The following FRMPD4 variants were observed in gnomAD, a reference collection of about 807,000 sequenced individuals.
The protein encoded by FRMPD4 is FERM and PDZ domain-containing protein 4.
Under a neutral mutation model 94.1 loss-of-function variants are expected in FRMPD4, and 22 were observed. The observed-to-expected ratio is 0.23, with a 90% CI of 0.17 to 0.33. FRMPD4 has a LOEUF of 0.33. Among genes scored for constraint, FRMPD4 ranks in the 10% least tolerant of loss-of-function variants. The pLI is 1.00. For synonymous variants in FRMPD4, 631 were observed against 548.6 expected, an observed-to-expected ratio of 1.15 and a Z score of -2.10; for missense variants, 1,111 against 1,339.9, an observed-to-expected ratio of 0.83 and a Z score of 2.67.
intron 1 of FRMPD4, among the ~76,000 whole-genome samples, chrX:11,838,926 T>C (rs955499238): frequency 8.9e-6 from 1 of 111,828 alleles, no homozygotes; most frequent in East Asian, 2.8e-4. Flanking sequence ...CTATTATAAA[T>C]AATGCTGCCA....
intron 3 of FRMPD4, among the ~76,000 whole-genome samples, chrX:11,907,479 T>C (rs1489216795): frequency 8.9e-6 from 1 of 111,974 alleles, no homozygotes; most frequent in Non-Finnish European, 1.9e-5. Context: ...AGTTCTGGAG[T>C]CTGGAAGTCC....
intron 1 of FRMPD4, among the ~76,000 whole-genome samples, chrX:12,211,512 T>A (rs2056755163): frequency 8.9e-6 from 1 of 112,247 alleles, no homozygotes; most frequent in Admixed American, 9.4e-5. Context: ...TCATGTGTTT[T>A]GAAGTTCAGT....
chrX:12,316,677 T>C (rs1374937281), intron 1 of FRMPD4, among the ~76,000 whole-genome samples: 1 of 111,315 alleles, frequency 9.0e-6, no homozygotes, highest in East Asian at 2.8e-4. Context: ...ATCACAAGGG[T>C]ATCCAGGTAA....
At chrX:12,359,468 TTTTC>T (rs1259764069) in intron 1 of FRMPD4, among the ~76,000 whole-genome samples, 1 of 84,556 alleles carries the variant, frequency 1.2e-5, no homozygotes, top group Admixed American at 1.1e-4. Flanking sequence ...TTGTTTTCTT[TTTTC>T]TTTTTTTTTT....
chrX:11,927,134 CATTCACAATTGCCACAAAAAAAAAAA>C (rs2054093740), intron 3 of FRMPD4, among the ~76,000 whole-genome samples: 1 of 108,786 alleles, frequency 9.2e-6, no homozygotes, highest in Non-Finnish European at 1.9e-5. Context: ...AACATAGTTC[CATTCACAATTGCCACAAAAAAAAAAA>C]AGTATAATAT....
At chrX:12,230,977 T>A (rs1225611194) in intron 1 of FRMPD4, among the ~76,000 whole-genome samples, 1 of 48,601 alleles carries the variant, frequency 2.1e-5, no homozygotes, top group African/African-American at 7.6e-5. Flanking sequence ...TATATAGTAA[T>A]ATATATAGTA....
intron 1 of FRMPD4, among the ~76,000 whole-genome samples, chrX:11,840,924 G>A (rs2053532145): frequency 1.2e-5 from 1 of 86,930 alleles, no homozygotes; most frequent in African/African-American, 4.6e-5. Context: ...TCCCCAGAGT[G>A]TGATGTTCCA....
At chrX:12,372,929 T>C (rs2056182929) in intron 1 of FRMPD4, among the ~76,000 whole-genome samples, 1 of 111,785 alleles carries the variant, frequency 8.9e-6, no homozygotes, top group Non-Finnish European at 1.9e-5. Context: ...GACTGGGTCC[T>C]CAGGACAAGC....
intron 3 of FRMPD4, among the ~76,000 whole-genome samples, chrX:12,017,020 A>G (rs2054608086): frequency 8.9e-6 from 1 of 111,790 alleles, no homozygotes; most frequent in Admixed American, 9.5e-5. Flanking sequence ...TACTGCTACT[A>G]TTTATATCCT....
chrX:11,904,670 C>T lies in FRMPD4; in HGVS notation c.95+26652C>T, dbSNP rs761171632. Among the ~76,000 whole-genome samples, 6 of 112,002 alleles carry T rather than the reference C, an allele frequency of 5.4e-5. No homozygotes were observed. In the South Asian group the frequency reaches 2.3e-3, roughly 42 times the overall value. On this transcript the variant is annotated intron_variant, in intron 3 of 18. Transcript: ENST00000640291. Reference sequence around the variant, plus strand: ...CTCCAAGACTCATGTGAGATTAATACTCATCAGCCACCTTTTAAGAATATC... The same window carrying T: ...CTCCAAGACTCATGTGAGATTAATATTCATCAGCCACCTTTTAAGAATATC...
intron 1 of FRMPD4, among the ~76,000 whole-genome samples, chrX:12,171,257 G>T (rs1211604356): frequency 8.9e-6 from 1 of 112,346 alleles, no homozygotes; most frequent in Non-Finnish European, 1.9e-5. Flanking sequence ...GCTTTGAAAT[G>T]CATCAGGCAA....
At chrX:12,094,636 G>C (rs1000670733) in intron 3 of FRMPD4, among the ~76,000 whole-genome samples, 1 of 112,087 alleles carries the variant, frequency 8.9e-6, no homozygotes, top group Non-Finnish European at 1.9e-5. Flanking sequence ...GACTGCCTGC[G>C]TTTGAACTTT....
At chrX:12,483,854 A>T (rs1020329560) in intron 1 of FRMPD4, among the ~76,000 whole-genome samples, 1 of 112,141 alleles carries the variant, frequency 8.9e-6, no homozygotes, top group African/African-American at 3.2e-5. Context: ...AAAAATTAAA[A>T]ATTTTAGATT....
chrX:12,206,576 T>C (rs1374174639), intron 1 of FRMPD4, among the ~76,000 whole-genome samples: 1 of 112,163 alleles, frequency 8.9e-6, no homozygotes, highest in Non-Finnish European at 1.9e-5. Flanking sequence ...TCCATTCTTA[T>C]GATGAGTCAC....
chrX:11,861,405 A>T (rs948060964), intron 1 of FRMPD4, among the ~76,000 whole-genome samples: 3 of 109,571 alleles, frequency 2.7e-5, no homozygotes, highest in Non-Finnish European at 5.7e-5. Flanking sequence ...TGGGTTTGAT[A>T]GTTCCTGCTT....
intron 2 of FRMPD4, among the ~76,000 whole-genome samples, chrX:12,559,234 A>G (rs1256251547): frequency 3.6e-5 from 4 of 112,626 alleles, no homozygotes; most frequent in Non-Finnish European, 7.5e-5. Context: ...AGTAGAAAGA[A>G]TTAATTGTAG....
At chrX:12,155,571 C>G (rs771738760) in intron 1 of FRMPD4, among the ~76,000 whole-genome samples, 2 of 57,704 alleles carry the variant, frequency 3.5e-5, no homozygotes, top group South Asian at 3.3e-3. Context: ...TTCCAGGTAG[C>G]ATATCCTCAC....
intron 1 of FRMPD4, among the ~76,000 whole-genome samples, chrX:12,388,924 G>A (rs1188558572): frequency 9.7e-6 from 1 of 103,521 alleles, no homozygotes; most frequent in African/African-American, 3.6e-5. Context: ...GGATGGAATG[G>A]GAGAACACTA....
At chrX:12,211,769 T>G (rs1191716764) in intron 1 of FRMPD4, among the ~76,000 whole-genome samples, 1 of 111,927 alleles carries the variant, frequency 8.9e-6, no homozygotes, top group Non-Finnish European at 1.9e-5. Context: ...CAATCAAAGC[T>G]TTCCAAGCAT....
Sources: allele counts gnomAD v4.1 joint callset (sites outside exome capture counted in the v4.1 genomes callset), GRCh38; gene constraint gnomAD v4.1.1; transcripts MANE v1.5; gene names NCBI Gene and HGNC (gene_info 2026-07-23, HGNC 2026-07-21).